AFF3: variants seen among roughly 807,000 people sequenced by gnomAD.
The protein encoded by AFF3 is AF4/FMR2 family member 3.
AFF3 carries 32 observed loss-of-function variants against 129.7 expected under a neutral mutation model. That is an observed-to-expected ratio of 0.25 (90% CI 0.19 to 0.33). AFF3 has a LOEUF of 0.33. Ranked by LOEUF, AFF3 falls within the 10% of genes least tolerant of loss-of-function variation. The pLI is 1.00. For missense variants in AFF3, 1,373 were observed against 1,592.0 expected, an observed-to-expected ratio of 0.86 and a Z score of 2.34; for synonymous variants, 644 against 635.4, an observed-to-expected ratio of 1.01 and a Z score of -0.20.
At chr2:100,081,473 A>G (rs567459577) in intron 4 of AFF3, among the ~76,000 whole-genome samples, 51 of 151,914 alleles carry the variant, frequency 3.4e-4, no homozygotes, top group Non-Finnish European at 6.6e-4. Flanking sequence ...TCACCCAGGC[A>G]CTTCCTCCAA....
At chr2:100,116,987 C>CT (rs1232339902) in intron 2 of AFF3, among the ~76,000 whole-genome samples, 2 of 152,094 alleles carry the variant, frequency 1.3e-5, no homozygotes, top group Non-Finnish European at 2.9e-5. Flanking sequence ...TCCTTAAGTA[C>CT]TTTGAGTGCT....
rs569975879 is a variant in AFF3 at position 99,713,090 on chromosome 2, A to G, written c.1091+13987T>C. Among the ~76,000 whole-genome samples the G allele has an allele frequency of 2.6e-5, 4 of 152,310 alleles. No homozygotes were observed. In the East Asian group the frequency reaches 7.7e-4, roughly 29 times the overall value. On this transcript the variant is annotated intron_variant, in intron 11 of 24. Coordinates refer to ENST00000672756, the MANE Select transcript of AFF3 (RefSeq NM_001386135.1). ...CCAGAAATGGGGAGGAGCAGGGAAC[A>G]GGGAGTTATTGTTTAATGGGCACAG...
intron 14 of AFF3, among the ~76,000 whole-genome samples, chr2:99,601,020 A>G (rs1166355539): frequency 1.3e-5 from 2 of 152,214 alleles, no homozygotes; most frequent in Non-Finnish European, 2.9e-5. Context: ...GAATCTGACC[A>G]TGTCCAACCC....
chr2:99,812,176 C>A (rs1311895214), intron 8 of AFF3, among the ~76,000 whole-genome samples: 2 of 152,122 alleles, frequency 1.3e-5, no homozygotes, highest in African/African-American at 2.4e-5. Context: ...GTTCAGACAT[C>A]CAGAGCCTGC....
rs146121339 is a variant in AFF3, at chr2:99,655,300, G to A, written c.1144-5634C>T. On this transcript the variant is annotated intron_variant, in intron 12 of 24. Transcript: ENST00000672756. ...CATTCCAAGGGGCATGGCTGAAGAG[G>A]ACAGGGTGCTCTGAAACCAACTAAT... Among the ~76,000 whole-genome samples the A allele has an allele frequency of 4.4e-3, 668 of 151,776 alleles. 3 individuals are homozygous for A. Among genetic ancestry groups the A allele is most frequent in the African/African-American group, 0.015 (629 of 41,362 alleles).
chr2:99,742,419 T>C (rs2105126254), intron 10 of AFF3, among the ~76,000 whole-genome samples: 1 of 152,266 alleles, frequency 6.6e-6, no homozygotes, highest in East Asian at 1.9e-4. Flanking sequence ...TCTTGGACAA[T>C]GAAATGCCAG....
At chr2:100,017,399 T>C (rs1322689776) in intron 4 of AFF3, among the ~76,000 whole-genome samples, 3 of 152,204 alleles carry the variant, frequency 2.0e-5, no homozygotes, top group Non-Finnish European at 4.4e-5. Flanking sequence ...TATCTCAATC[T>C]TAATTCAATC....
At chr2:100,078,575 T>A (rs924760286) in intron 4 of AFF3, among the ~76,000 whole-genome samples, 2 of 152,080 alleles carry the variant, frequency 1.3e-5, no homozygotes, top group Non-Finnish European at 2.9e-5. Context: ...ATATAATCAG[T>A]GTTGTAAATT....
chr2:99,557,458 T>A (rs1675042109), intron 22 of AFF3, among the ~76,000 whole-genome samples: 1 of 152,190 alleles, frequency 6.6e-6, no homozygotes, highest in South Asian at 2.1e-4. Flanking sequence ...TTTCTACCCA[T>A]TCTGTATGTA....
chr2:99,651,215 C>T (rs1207567409), intron 12 of AFF3, among the ~76,000 whole-genome samples: 1 of 150,522 alleles, frequency 6.6e-6, no homozygotes, highest in Non-Finnish European at 1.5e-5. Flanking sequence ...CCATCGGATT[C>T]TCCCAAGTTT....
chr2:99,859,305 A>G (rs1690789557), intron 7 of AFF3, among the ~76,000 whole-genome samples: 1 of 152,168 alleles, frequency 6.6e-6, no homozygotes, highest in African/African-American at 2.4e-5. Flanking sequence ...CCTTTTTAGC[A>G]TGGAATTTCT....
intron 4 of AFF3, among the ~76,000 whole-genome samples, chr2:100,059,475 A>C (rs1250895147): frequency 1.3e-5 from 2 of 152,144 alleles, no homozygotes; most frequent in Non-Finnish European, 1.5e-5. Flanking sequence ...CTGTGGAGAA[A>C]CTGGAACCTT....
intron 2 of AFF3, 78 bp from the exon 3 acceptor site, chr2:100,105,661 C>T (rs914178812): frequency 2.7e-5 from 37 of 1,345,854 alleles, no homozygotes; most frequent in Non-Finnish European, 3.7e-5. Context: ...CAGCTCTTCC[C>T]CCTGGCTTAC....
chr2:99,740,353 G>T (rs1209673807), intron 10 of AFF3, among the ~76,000 whole-genome samples: 1 of 151,440 alleles, frequency 6.6e-6, no homozygotes, highest in Non-Finnish European at 1.5e-5. Flanking sequence ...GCGTCAAATG[G>T]TATTTCTAGT....
chr2:99,867,006 A>ATAC (rs1691466987), intron 7 of AFF3, among the ~76,000 whole-genome samples: 2 of 135,966 alleles, frequency 1.5e-5, no homozygotes, highest in Non-Finnish European at 3.2e-5. Flanking sequence ...ATAATAAAAA[A>ATAC]TAAATAAAAT....
chr2:100,098,514 G>A lies in AFF3; in HGVS notation c.53+5888C>T, dbSNP rs1174124784. On this transcript the variant is annotated intron_variant, in intron 4 of 24. Transcript: ENST00000672756. ...AATCTGTATTAAGCCAAAGGTCTTC[G>A]TTCAAGTTGCTCAAGTGTCATTGAT... is the stretch of plus-strand genomic sequence containing the variant. Among the ~76,000 whole-genome samples, 10 of 141,532 alleles carry A rather than the reference G, an allele frequency of 7.1e-5. No individual in the cohort carries two copies. The South Asian group carries it at 1.2e-3, about 17-fold the overall frequency. The allele number at this position is 141,532 out of a possible 152,430, so 92.9% of individuals were successfully genotyped here.
intron 1 of AFF3, among the ~76,000 whole-genome samples, chr2:100,134,734 A>G (rs1423235298): frequency 1.3e-5 from 2 of 152,216 alleles, no homozygotes; most frequent in Non-Finnish European, 2.9e-5. Flanking sequence ...CAGCGTCTCA[A>G]TATCATTTAC....
At chr2:100,101,982 T>A (rs1475029427) in intron 4 of AFF3, among the ~76,000 whole-genome samples, 1 of 147,638 alleles carries the variant, frequency 6.8e-6, no homozygotes, top group Non-Finnish European at 1.5e-5. Context: ...TCATCTGTTT[T>A]ATGACCTCAG....
At chr2:99,649,602 G>A in intron 13 of AFF3, 24 bp downstream of exon 13, 1 of 1,611,530 alleles carries the variant, frequency 6.2e-7, no homozygotes, top group East Asian at 2.2e-5. Flanking sequence ...GCAATTTATA[G>A]TTCATAAAAA....
Sources: allele counts gnomAD v4.1 joint callset (sites outside exome capture counted in the v4.1 genomes callset), GRCh38; gene constraint gnomAD v4.1.1; transcripts MANE v1.5; gene names NCBI Gene and HGNC (gene_info 2026-07-23, HGNC 2026-07-21).